NUDCD3: variants seen among roughly 807,000 people sequenced by gnomAD.
NUDCD3 encodes the protein NudC domain containing 3.
In NUDCD3, 13 loss-of-function variants were observed where a neutral mutation model predicts 39.7. The ratio of observed to expected loss-of-function variants is 0.33; its 90% CI spans 0.21 to 0.52. The LOEUF is 0.52. Among genes scored for constraint, NUDCD3 ranks in the 20% least tolerant of loss-of-function variants. NUDCD3 has a pLI of 0.96. For synonymous variants in NUDCD3, 175 were observed against 172.4 expected (o/e 1.02, Z -0.12); for missense variants, 453 against 458.1 (o/e 0.99, Z 0.10).
intron 5 of NUDCD3, among the ~76,000 whole-genome samples, chr7:44,391,530 G>A (rs551657383): frequency 6.6e-6 from 1 of 152,146 alleles, no homozygotes; most frequent in Non-Finnish European, 1.5e-5. Context: ...GAGGCGGTCC[G>A]TGTTTACAGA....
chr7:44,403,687 C>T lies in NUDCD3; in HGVS notation c.786+753G>A, dbSNP rs1280135909. 2.0e-5 allele frequency among the ~76,000 whole-genome samples: 3 copies of T among 152,216 alleles called. No individual in the cohort carries two copies. In the East Asian group the frequency reaches 5.8e-4, roughly 29 times the overall value. Reference sequence around the variant, plus strand: ...TGTCTTATAGAAACCAAAACAGATACCTTTATTGCATACTTTGCACATATG... The same window carrying T: ...TGTCTTATAGAAACCAAAACAGATATCTTTATTGCATACTTTGCACATATG... On this transcript the variant is annotated intron_variant, in intron 4 of 5. Transcript: ENST00000355451.
At chr7:44,480,941 CAAAAAAAA>C (rs1164765600) in intron 2 of NUDCD3, among the ~76,000 whole-genome samples, 68 of 34,868 alleles carry the variant, frequency 2.0e-3, no homozygotes, top group African/African-American at 6.4e-3. Context: ...GACCCAGTAT[CAAAAAAAA>C]AAAAAAAAAA....
chr7:44,408,274 G>T (rs141074160), intron 3 of NUDCD3, among the ~76,000 whole-genome samples: 27 of 152,184 alleles, frequency 1.8e-4, no homozygotes, highest in African/African-American at 6.5e-4. Context: ...ACAAAATGAG[G>T]ATGAAAACTG....
intron 3 of NUDCD3, among the ~76,000 whole-genome samples, chr7:44,419,311 G>T (rs1799092221): frequency 1.7e-5 from 1 of 57,968 alleles, no homozygotes; most frequent in East Asian, 4.9e-4. Flanking sequence ...GGGCATCTCT[G>T]AAAGAAAGGC....
intron 2 of NUDCD3, among the ~76,000 whole-genome samples, chr7:44,473,247 A>G (rs1261619066): frequency 1.3e-5 from 2 of 152,222 alleles, no homozygotes; most frequent in Non-Finnish European, 2.9e-5. Context: ...CAAGGACCCA[A>G]GCATTTTATT....
chr7:44,399,999 AC>A (rs1209686547), intron 4 of NUDCD3, among the ~76,000 whole-genome samples: 1 of 152,208 alleles, frequency 6.6e-6, no homozygotes, highest in Non-Finnish European at 1.5e-5. Context: ...CACCTCACAT[AC>A]AGCTACAACG....
chr7:44,490,638 G>C lies in NUDCD3; in HGVS notation c.-38C>G. The C allele has an allele frequency of 6.4e-7, 1 of 1,554,658 alleles. No homozygotes were observed. Among genetic ancestry groups the C allele is most frequent in the Non-Finnish European group, 8.7e-7 (1 of 1,151,388 alleles). On this transcript the variant is annotated 5_prime_UTR_variant, in exon 1 of 6. Coordinates refer to ENST00000355451, the MANE Select transcript of NUDCD3 (RefSeq NM_015332.4). Reference sequence around the variant, plus strand: ...CCTAGGTACGCTTCACACACACAGCGCCGCCTCAGACCTGCCGACTGGCCA... The same window carrying C: ...CCTAGGTACGCTTCACACACACAGCCCCGCCTCAGACCTGCCGACTGGCCA...
At chr7:44,470,673 AGAAG>A (rs1258371107) in intron 2 of NUDCD3, among the ~76,000 whole-genome samples, 1 of 152,248 alleles carries the variant, frequency 6.6e-6, no homozygotes, top group East Asian at 1.9e-4. Context: ...GGGAAGGGAA[AGAAG>A]GGCAAGAGCA....
chr7:44,426,189 T>C (rs1399010541), intron 3 of NUDCD3: 28 of 984,890 alleles, frequency 2.8e-5, no homozygotes, highest in Non-Finnish European at 3.1e-5. Context: ...CGGGTGTTTG[T>C]AGCTGAAGAA....
chr7:44,484,677 A>C (rs1436782792), intron 2 of NUDCD3: 2 of 319,404 alleles, frequency 6.3e-6, no homozygotes, highest in Non-Finnish European at 1.2e-5. Context: ...GCCTCTAAAC[A>C]CAGATAAAGT....
chr7:44,450,469 C>A (rs1040441808), intron 2 of NUDCD3, among the ~76,000 whole-genome samples: 1 of 151,814 alleles, frequency 6.6e-6, no homozygotes, highest in Admixed American at 6.6e-5. Flanking sequence ...TGAGCCACTG[C>A]GCCCGGCCAA....
chr7:44,412,906 G>A (rs1208727988), intron 3 of NUDCD3, among the ~76,000 whole-genome samples: 7 of 130,890 alleles, frequency 5.3e-5, no homozygotes, highest in African/African-American at 1.2e-4. Context: ...CAGCCTGGGC[G>A]ACAGAGCGAG....
chr7:44,451,715 T>A (rs937797166), intron 2 of NUDCD3, among the ~76,000 whole-genome samples: 1 of 152,106 alleles, frequency 6.6e-6, no homozygotes, highest in Admixed American at 6.5e-5. Context: ...GATGGTTTCA[T>A]AGGGGTGTAC....
chr7:44,477,459 CA>C (rs1800395921), intron 2 of NUDCD3, among the ~76,000 whole-genome samples: 2 of 152,236 alleles, frequency 1.3e-5, no homozygotes, highest in South Asian at 4.1e-4. Flanking sequence ...CACAGCCTTT[CA>C]GAGATTTTTG....
chr7:44,417,705 T>C (rs1799054822), intron 3 of NUDCD3, among the ~76,000 whole-genome samples: 1 of 152,214 alleles, frequency 6.6e-6, no homozygotes, highest in Non-Finnish European at 1.5e-5. Flanking sequence ...AAATTCTGGA[T>C]AAACTACTTG....
At chr7:44,429,627 G>A (rs1799313062) in intron 2 of NUDCD3, among the ~76,000 whole-genome samples, 1 of 152,302 alleles carries the variant, frequency 6.6e-6, no homozygotes, top group African/African-American at 2.4e-5. Flanking sequence ...AGTGGCTAAG[G>A]AAACTAATTT....
chr7:44,453,482 C>T (rs1799833176), intron 2 of NUDCD3, among the ~76,000 whole-genome samples: 1 of 152,146 alleles, frequency 6.6e-6, no homozygotes, highest in African/African-American at 2.4e-5. Flanking sequence ...AAGGAGAAAG[C>T]ACTAAATCAT....
At chr7:44,435,550 G>C (rs149978418) in intron 2 of NUDCD3, among the ~76,000 whole-genome samples, 51 of 152,326 alleles carry the variant, frequency 3.3e-4, no homozygotes, top group African/African-American at 1.1e-3. Context: ...AACTTGAAAA[G>C]TCATCAATAA....
At chr7:44,462,680 C>G (rs1800037312) in intron 2 of NUDCD3, among the ~76,000 whole-genome samples, 1 of 152,186 alleles carries the variant, frequency 6.6e-6, no homozygotes, top group African/African-American at 2.4e-5. Flanking sequence ...GGGCACTGTC[C>G]CCTGCCCTGC....
Sources: gnomAD v4.1 joint callset for allele counts (sites outside exome capture counted in the v4.1 genomes callset) on GRCh38, gnomAD v4.1.1 for gene constraint, MANE v1.5 for transcripts, NCBI Gene and HGNC (gene_info 2026-07-23, HGNC 2026-07-21) for gene names.